KALRN: variants seen among roughly 807,000 people sequenced by gnomAD.
KALRN encodes kalirin.
Under a neutral mutation model 353.7 loss-of-function variants are expected in KALRN, and 70 were observed. The ratio of observed to expected loss-of-function variants is 0.20; its 90% CI spans 0.16 to 0.24. The LOEUF is 0.24. KALRN is among the 10% of genes least tolerant of loss of function. KALRN has a pLI of 1.00. For synonymous variants in KALRN, 1,391 were observed against 1,434.8 expected (o/e 0.97, Z 0.69); for missense variants, 2,791 against 3,756.7 (o/e 0.74, Z 6.72).
chr3:124,306,594 A>G (rs1473534879), intron 6 of KALRN, among the ~76,000 whole-genome samples: 1 of 152,186 alleles, frequency 6.6e-6, no homozygotes, highest in Non-Finnish European at 1.5e-5. Context: ...ATTAGATGAA[A>G]TAGTGGCTGA....
At chr3:124,112,165 C>T (rs1349835542) in intron 1 of KALRN, among the ~76,000 whole-genome samples, 4 of 151,872 alleles carry the variant, frequency 2.6e-5, no homozygotes, top group African/African-American at 9.7e-5. Flanking sequence ...TAGTCAGGTG[C>T]AGTGGTGCAC....
At chr3:124,532,032 G>A (rs933764648) in intron 33 of KALRN, among the ~76,000 whole-genome samples, 5 of 152,170 alleles carry the variant, frequency 3.3e-5, no homozygotes, top group African/African-American at 4.8e-5. Context: ...AGTGGGACAT[G>A]AGCCTTCTGT....
At chr3:124,267,352 G>A (rs561401901) in intron 4 of KALRN, among the ~76,000 whole-genome samples, 1 of 152,290 alleles carries the variant, frequency 6.6e-6, no homozygotes, top group African/African-American at 2.4e-5. Flanking sequence ...GCCTCAATAG[G>A]TCTGGGGTAA....
At chr3:124,503,506 AC>A (rs781084265) in intron 33 of KALRN, among the ~76,000 whole-genome samples, 124 of 152,018 alleles carry the variant, frequency 8.2e-4, no homozygotes, top group Non-Finnish European at 8.7e-4. Flanking sequence ...TTTGAAAATA[AC>A]TTTCTTCCCA....
At chr3:124,058,268 T>G (rs140369094) in intron 1 of KALRN, among the ~76,000 whole-genome samples, 1 of 152,234 alleles carries the variant, frequency 6.6e-6, no homozygotes, top group East Asian at 1.9e-4. Flanking sequence ...ATATTATCCT[T>G]TAGCTTGATG....
chr3:124,163,806 T>C, intron 1 of KALRN: 1 of 985,498 alleles, frequency 1.0e-6, no homozygotes, highest in African/African-American at 1.7e-5. Flanking sequence ...TATGTCATCT[T>C]GCTCCTGGGC....
At chr3:124,489,624 C>G (rs925433149) in intron 29 of KALRN, among the ~76,000 whole-genome samples, 3 of 152,126 alleles carry the variant, frequency 2.0e-5, no homozygotes, top group African/African-American at 7.2e-5. Flanking sequence ...TTGTACCTTC[C>G]CCTCCACCCC....
chr3:124,254,865 G>A (rs1012268614), intron 3 of KALRN, among the ~76,000 whole-genome samples: 2 of 152,148 alleles, frequency 1.3e-5, no homozygotes, highest in Middle Eastern at 3.2e-3. Context: ...TCCCCTGGCT[G>A]CAGTGGAGGA....
chr3:124,396,638 A>C (rs985703209), intron 12 of KALRN, among the ~76,000 whole-genome samples: 1 of 152,234 alleles, frequency 6.6e-6, no homozygotes, highest in South Asian at 2.1e-4. Context: ...TTATCTATTC[A>C]AAAACTTTTC....
chr3:124,416,401 G>T (rs942025043), intron 14 of KALRN, among the ~76,000 whole-genome samples: 2 of 152,258 alleles, frequency 1.3e-5, no homozygotes, highest in African/African-American at 4.8e-5. Context: ...ACCCCAGGCA[G>T]ATGGGCTGCC....
chr3:124,320,744 C>A (rs910372742), intron 6 of KALRN, among the ~76,000 whole-genome samples: 12 of 152,134 alleles, frequency 7.9e-5, no homozygotes, highest in African/African-American at 2.9e-4. Flanking sequence ...TCAGAAAGCA[C>A]CTTATTGGCT....
intron 37 of KALRN, among the ~76,000 whole-genome samples, chr3:124,640,795 G>C (rs1687171073): frequency 6.6e-6 from 1 of 152,180 alleles, no homozygotes; most frequent in Non-Finnish European, 1.5e-5. Context: ...AGGTTGCAAA[G>C]AGCAACTAAC....
intron 16 of KALRN, among the ~76,000 whole-genome samples, chr3:124,432,533 G>A (rs1439823310): frequency 6.6e-6 from 1 of 152,198 alleles, no homozygotes; most frequent in Non-Finnish European, 1.5e-5. Context: ...GGCATGCTGG[G>A]CAGAATGAAG....
chr3:124,710,938 A>C (rs1264051932), intron 57 of KALRN, among the ~76,000 whole-genome samples: 2 of 152,172 alleles, frequency 1.3e-5, no homozygotes, highest in Non-Finnish European at 2.9e-5. Context: ...AATTCGGGAG[A>C]GCTATCCTCA....
chr3:124,469,801 T>C (rs2060709542), intron 25 of KALRN, among the ~76,000 whole-genome samples: 2 of 152,198 alleles, frequency 1.3e-5, no homozygotes, highest in African/African-American at 4.8e-5. Flanking sequence ...CATCAAATAG[T>C]TATTTCCATT....
chr3:124,604,695 A>G (rs943761231), intron 34 of KALRN, among the ~76,000 whole-genome samples: 3 of 152,024 alleles, frequency 2.0e-5, no homozygotes, highest in Non-Finnish European at 4.4e-5. Flanking sequence ...ATTATTAACT[A>G]ATTATTTTAG....
intron 5 of KALRN, among the ~76,000 whole-genome samples, chr3:124,286,653 A>G (rs1313927218): frequency 2.0e-5 from 3 of 152,192 alleles, no homozygotes; most frequent in Non-Finnish European, 4.4e-5. Flanking sequence ...TAAGTTCAGT[A>G]TTATACTCTG....
intron 10 of KALRN, among the ~76,000 whole-genome samples, chr3:124,380,876 T>G (rs2087266113): frequency 6.6e-6 from 1 of 152,198 alleles, no homozygotes; most frequent in Non-Finnish European, 1.5e-5. Flanking sequence ...ATGTAAGGTC[T>G]TGTACCAGGT....
intron 14 of KALRN, among the ~76,000 whole-genome samples, chr3:124,416,166 T>C (rs2092482257): frequency 6.6e-6 from 1 of 152,152 alleles, no homozygotes; most frequent in South Asian, 2.1e-4. Flanking sequence ...TCTCTCATGG[T>C]AGATGTGTCC....
Sources: gnomAD v4.1 joint callset for allele counts (sites outside exome capture counted in the v4.1 genomes callset) on GRCh38, gnomAD v4.1.1 for gene constraint, MANE v1.5 for transcripts, NCBI Gene and HGNC (gene_info 2026-07-23, HGNC 2026-07-21) for gene names.